The following TRIP4 variants were observed in gnomAD, a reference collection of about 807,000 sequenced individuals.
The protein encoded by TRIP4 is activating signal cointegrator 1.
In TRIP4, 54 loss-of-function variants were observed where a neutral mutation model predicts 81.8. That is an observed-to-expected ratio of 0.66 (90% CI 0.53 to 0.83). The LOEUF is 0.83. Ranked by LOEUF, TRIP4 falls within the 40% of genes least tolerant of loss-of-function variation. The pLI is 0.00. For missense variants in TRIP4, 662 were observed against 683.6 expected (o/e 0.97, Z 0.35); for synonymous variants, 270 against 242.8 (o/e 1.11, Z -1.04).
At chr15:64,435,847 A>G (rs541976028) in intron 11 of TRIP4, among the ~76,000 whole-genome samples, 1 of 143,998 alleles carries the variant, frequency 6.9e-6, no homozygotes, top group Non-Finnish European at 1.5e-5. Flanking sequence ...AAAAAAAGAC[A>G]AGTCCTGCAG....
intron 11 of TRIP4, among the ~76,000 whole-genome samples, chr15:64,437,074 G>A (rs1892418448): frequency 6.6e-6 from 1 of 151,726 alleles, no homozygotes; most frequent in African/African-American, 2.4e-5. Context: ...CATGTAGTAG[G>A]TGCACAGTAA....
chr15:64,404,582 A>G (rs1566974463), intron 5 of TRIP4, among the ~76,000 whole-genome samples: 1 of 152,064 alleles, frequency 6.6e-6, no homozygotes, highest in Non-Finnish European at 1.5e-5. Flanking sequence ...AAATGCTGGG[A>G]TTACAGGCAT....
chr15:64,390,460 CAA>C (rs141752018), intron 1 of TRIP4, among the ~76,000 whole-genome samples: 3 of 122,992 alleles, frequency 2.4e-5, no homozygotes, highest in Admixed American at 8.3e-5. Context: ...GACCTCGTCT[CAA>C]AAAAAAAAAG....
At chr15:64,446,270 A>G (rs1367441196) in intron 12 of TRIP4, among the ~76,000 whole-genome samples, 2 of 151,952 alleles carry the variant, frequency 1.3e-5, no homozygotes, top group Non-Finnish European at 2.9e-5. Context: ...GCGAAACTCC[A>G]TCTCAAAAAA....
intron 1 of TRIP4, among the ~76,000 whole-genome samples, chr15:64,390,961 A>C (rs1172666172): frequency 6.6e-6 from 1 of 152,154 alleles, no homozygotes. Flanking sequence ...TATTACGCTA[A>C]GATACTATTT....
chr15:64,418,502 C>T, intron 8 of TRIP4, 39 bp from the exon 9 acceptor site: 1 of 1,533,832 alleles, frequency 6.5e-7, no homozygotes, highest in South Asian at 1.2e-5. Context: ...CAGATTCTTG[C>T]CTTATAAGAT....
At chr15:64,426,374 G>A (rs1892145123) in intron 11 of TRIP4, among the ~76,000 whole-genome samples, 1 of 152,052 alleles carries the variant, frequency 6.6e-6, no homozygotes. Context: ...ACATATGTAT[G>A]CATTTATATA....
chr15:64,440,099 TAGAC>T (rs914994088), intron 11 of TRIP4, among the ~76,000 whole-genome samples: 4 of 151,954 alleles, frequency 2.6e-5, no homozygotes, highest in East Asian at 1.9e-4. Flanking sequence ...AAAATAAAAT[TAGAC>T]AGGTCTGGTG....
chr15:64,442,198 CA>C (rs60056692), intron 11 of TRIP4, among the ~76,000 whole-genome samples: 97,775 of 140,424 alleles, frequency 0.7, 35,081 homozygotes, highest in East Asian at 0.95. Flanking sequence ...TGATCTGATA[CA>C]AAAAAAAAAA....
chr15:64,401,062 A>C (rs781643009), intron 5 of TRIP4, among the ~76,000 whole-genome samples: 1 of 151,712 alleles, frequency 6.6e-6, no homozygotes, highest in African/African-American at 2.4e-5. Context: ...CCTGGGTTCA[A>C]GTGATTCTCC....
In TRIP4 at chr15:64,403,984, G is replaced by T. The variant is rs143818496; in HGVS notation, c.698-2346G>T. Among the ~76,000 whole-genome samples, 491 of 152,086 alleles carry T rather than the reference G, an allele frequency of 3.2e-3. 1 individual carries two copies. The highest frequency in any genetic ancestry group is 0.011 in the African/African-American group (471 of 41,494). ...AGACGGGCGGATCACCTGAGGTTGG[G>T]AGTTTGAGACCAGCCTGACCAATGT... is the stretch of plus-strand genomic sequence containing the variant. On this transcript the variant is annotated intron_variant, in intron 5 of 12. Coordinates refer to ENST00000261884, the MANE Select transcript of TRIP4 (RefSeq NM_016213.5).
In TRIP4 at chr15:64,409,278, G is replaced by A. The variant is rs149531745; in HGVS notation, c.828-335G>A. ...AAGCAAATAAGCCTAGCAAGAATAGGCTGGATCCCAGTTACAGAGGGACTA... is the reference window on the plus strand; with the variant it reads ...AAGCAAATAAGCCTAGCAAGAATAGACTGGATCCCAGTTACAGAGGGACTA... On this transcript the variant is annotated intron_variant, in intron 6 of 12. Transcript: ENST00000261884. 5.9e-5 allele frequency among the ~76,000 whole-genome samples: 9 copies of A among 152,224 alleles called. No homozygotes were observed. The East Asian group carries it at 1.7e-3, about 29-fold the overall frequency.
At chr15:64,449,462 G>A (rs1272743573) in intron 12 of TRIP4, among the ~76,000 whole-genome samples, 3 of 151,852 alleles carry the variant, frequency 2.0e-5, no homozygotes, top group Non-Finnish European at 4.4e-5. Flanking sequence ...AGCCTCCCAA[G>A]TAGCTGGAAC....
chr15:64,402,587 G>A (rs551667336), intron 5 of TRIP4, among the ~76,000 whole-genome samples: 10 of 149,926 alleles, frequency 6.7e-5, no homozygotes, highest in Admixed American at 3.3e-4. Context: ...GCAATGGCGC[G>A]ATCTCAGCTC....
chr15:64,393,984 AAT>A lies in TRIP4; in HGVS notation c.143_144del (p.Tyr48CysfsTer3). The stretch of plus-strand genomic sequence containing the variant: ...ATTGAGAGTGCTGAAGAGATACGAG[AAT>A]ATGTTACTGATCTCCTCCAGGGAAA... On this transcript the variant is annotated frameshift_variant, in exon 2 of 13. Coordinates refer to ENST00000261884, the MANE Select transcript of TRIP4 (RefSeq NM_016213.5). LOFTEE classifies it high-confidence loss of function. 6.2e-7 allele frequency: 1 copy of A among 1,607,546 alleles called. No homozygotes were observed. The highest frequency in any genetic ancestry group is 1.7e-4 in the Middle Eastern group (1 of 6,040).
chr15:64,397,002 T>C (rs1900314101), intron 3 of TRIP4, among the ~76,000 whole-genome samples: 1 of 152,258 alleles, frequency 6.6e-6, no homozygotes, highest in Non-Finnish European at 1.5e-5. Flanking sequence ...CTAATGAAAT[T>C]GAGCACTTTT....
intron 9 of TRIP4, among the ~76,000 whole-genome samples, chr15:64,423,111 GT>G (rs1163254166): frequency 6.6e-5 from 10 of 152,120 alleles, no homozygotes; most frequent in Admixed American, 3.9e-4. Flanking sequence ...CTCTTTAGAG[GT>G]TTTTTCAAAC....
At chr15:64,392,684 A>G (rs1216284883) in intron 1 of TRIP4, among the ~76,000 whole-genome samples, 4 of 152,034 alleles carry the variant, frequency 2.6e-5, no homozygotes, top group Admixed American at 2.0e-4. Flanking sequence ...TGGTGCAATC[A>G]TGGCTCTGCA....
At chr15:64,438,958 C>T (rs923602464) in intron 11 of TRIP4, among the ~76,000 whole-genome samples, 24 of 152,198 alleles carry the variant, frequency 1.6e-4, no homozygotes, top group Admixed American at 1.6e-3. Flanking sequence ...TGGATTGTCT[C>T]TGTAGCATTG....
Sources: gnomAD v4.1 joint callset for allele counts (sites outside exome capture counted in the v4.1 genomes callset) on GRCh38, gnomAD v4.1.1 for gene constraint, MANE v1.5 for transcripts, NCBI Gene and HGNC (gene_info 2026-07-23, HGNC 2026-07-21) for gene names.